STK3: variants seen among roughly 807,000 people sequenced by gnomAD.
STK3 encodes serine/threonine kinase 3.
STK3 carries 41 observed loss-of-function variants against 58.0 expected under a neutral mutation model. The ratio of observed to expected loss-of-function variants is 0.71; its 90% CI spans 0.55 to 0.92. STK3 has a LOEUF of 0.92. STK3 is among the 40% of genes least tolerant of loss of function. The pLI, the probability that STK3 is intolerant of heterozygous loss-of-function variation, is 0.00. For missense variants in STK3, 479 were observed against 602.7 expected (o/e 0.79, Z 2.15); for synonymous variants, 170 against 191.0 (o/e 0.89, Z 0.91).
chr8:98,628,229 C>T (rs979714591), intron 6 of STK3, among the ~76,000 whole-genome samples: 4 of 152,194 alleles, frequency 2.6e-5, no homozygotes, highest in African/African-American at 4.8e-5. Flanking sequence ...AAGCTATCCA[C>T]AATCCTTCGC....
intron 7 of STK3, among the ~76,000 whole-genome samples, chr8:98,588,333 G>C (rs371077198): frequency 1.3e-5 from 2 of 151,394 alleles, no homozygotes; most frequent in Non-Finnish European, 2.9e-5. Context: ...GTCTGTAAAG[G>C]ATTTTATTTC....
downstream of STK3, among the ~76,000 whole-genome samples, chr8:98,369,303 C>A (rs1315483963): frequency 6.6e-6 from 1 of 152,192 alleles, no homozygotes; most frequent in African/African-American, 2.4e-5. Flanking sequence ...ATTGCTGAAG[C>A]CTAAAACGCT....
chr8:98,382,717 A>C (rs1009858786), intron 1 of STK3, among the ~76,000 whole-genome samples: 1 of 152,114 alleles, frequency 6.6e-6, no homozygotes, highest in South Asian at 2.1e-4. Flanking sequence ...CTGACAGCTC[A>C]TCACATTCCT....
rs531562670 is a variant in STK3 at position 98,424,277 on chromosome 8, G to A, written n.483+9850C>T. On this transcript the variant is annotated intron_variant and non_coding_transcript_variant, in intron 3 of 3. Coordinates refer to the STK3 transcript ENST00000517832. ...GCTCCAAGTTCACTCTGCCATTCAAGGAAAGGTGAGCAGGGGGGCTTGTCC... is the reference window on the plus strand; with the variant it reads ...GCTCCAAGTTCACTCTGCCATTCAAAGAAAGGTGAGCAGGGGGGCTTGTCC... Among the ~76,000 whole-genome samples, 6 of 152,376 alleles carry A rather than the reference G, an allele frequency of 3.9e-5. No homozygotes were observed. In the East Asian group the frequency reaches 7.7e-4, roughly 20 times the overall value.
intron 10 of STK3, among the ~76,000 whole-genome samples, chr8:98,470,477 G>A (rs539531131): frequency 1.3e-5 from 2 of 152,194 alleles, no homozygotes; most frequent in African/African-American, 2.4e-5. Context: ...CATCTCACCC[G>A]TACTCAGTAC....
In STK3 at chr8:98,835,579, C is replaced by G. The variant is rs141807087; in HGVS notation, c.110+48068G>C. On this transcript the variant is annotated intron_variant, in intron 3 of 12. Coordinates refer to the STK3 transcript ENST00000523601. ...GCCAACAGTTTCCTTCCCACCACAC[C>G]CCACTCCTCCCTCAGGCAATTTTGC... is the stretch of plus-strand genomic sequence containing the variant. Among the ~76,000 whole-genome samples the G allele has an allele frequency of 6.6e-3, 1,000 of 152,258 alleles. 9 individuals carry two copies. The highest frequency in any genetic ancestry group is 0.023 in the African/African-American group (967 of 41,536).
chr8:98,851,715 C>T (rs1324602351), intron 3 of STK3, among the ~76,000 whole-genome samples: 1 of 152,212 alleles, frequency 6.6e-6, no homozygotes, highest in African/African-American at 2.4e-5. Flanking sequence ...AATCCCAACA[C>T]TGTGGAAGGT....
intron 4 of STK3, among the ~76,000 whole-genome samples, chr8:98,708,543 A>C (rs1164229218): frequency 2.6e-5 from 4 of 152,176 alleles, no homozygotes; most frequent in Non-Finnish European, 4.4e-5. Context: ...AAAAGGGGAG[A>C]GTAGAGAAGG....
At chr8:98,419,842 T>C (rs1818150323) in intron 3 of STK3, among the ~76,000 whole-genome samples, 1 of 152,188 alleles carries the variant, frequency 6.6e-6, no homozygotes, top group African/African-American at 2.4e-5. Flanking sequence ...CTTTCAGACC[T>C]GGCCTCGAAA....
intron 1 of STK3, among the ~76,000 whole-genome samples, chr8:98,817,426 C>G (rs1007720041): frequency 7.1e-6 from 1 of 141,008 alleles, no homozygotes; most frequent in African/African-American, 2.7e-5. Flanking sequence ...TGCATTCCAG[C>G]CTGGGCGACA....
chr8:98,348,684 T>C, the STK3 span, among the ~76,000 whole-genome samples: 15 of 152,210 alleles, frequency 9.9e-5, no homozygotes, highest in Non-Finnish European at 1.8e-4. Flanking sequence ...TTATATGTCA[T>C]TAGGGAATTT....
chr8:98,407,714 ATGTGTGTGTGTG>A (rs6150725), intron 3 of STK3, among the ~76,000 whole-genome samples: 7,784 of 137,172 alleles, frequency 0.057, 279 homozygotes, highest in Non-Finnish European at 0.081. Context: ...AGATGAGTGC[ATGTGTGTGTGTG>A]TGTGTGTGTG....
chr8:98,623,600 G>A lies in STK3; in HGVS notation c.685-27431C>T, dbSNP rs546442168. 1.4e-4 allele frequency among the ~76,000 whole-genome samples: 21 copies of A among 152,196 alleles called. No homozygotes were observed. The East Asian group carries it at 3.5e-3, about 25-fold the overall frequency. On this transcript the variant is annotated intron_variant, in intron 6 of 10. Coordinates refer to ENST00000419617, the MANE Select transcript of STK3 (RefSeq NM_006281.4). ...GGAGTTTGAGAACAGCCTGGGCAAC[G>A]TAGCGACAGCCCGTCTCTACAAAAT...
At position 98,516,043 on chromosome 8, in the gene STK3, A is replaced by G. The variant is rs192009080; in HGVS notation, c.1317+10699T>C. Among the ~76,000 whole-genome samples the G allele has an allele frequency of 1.1e-4, 17 of 152,218 alleles. No individual in the cohort carries two copies. The East Asian group carries it at 3.1e-3, about 28-fold the overall frequency. The stretch of plus-strand genomic sequence containing the variant: ...AAAAGGACAGGACACCCTCTGAGCC[A>G]TAAAATTATATATGTAGATAAACTT... On this transcript the variant is annotated intron_variant, in intron 10 of 10. Coordinates refer to ENST00000419617, the MANE Select transcript of STK3 (RefSeq NM_006281.4).
intron 8 of STK3, among the ~76,000 whole-genome samples, chr8:98,565,513 A>T (rs534154735): frequency 1.7e-3 from 264 of 152,266 alleles, no homozygotes; most frequent in African/African-American, 6.0e-3. Flanking sequence ...GAGTATTTTT[A>T]AAATATTTTA....
intron 1 of STK3, among the ~76,000 whole-genome samples, chr8:98,933,925 A>G (rs975457143): frequency 2.6e-5 from 4 of 152,224 alleles, no homozygotes; most frequent in Non-Finnish European, 5.9e-5. Flanking sequence ...TCAGGCCAGG[A>G]CAATTTTAAA....
At chr8:98,840,587 A>G (rs1379052580) in intron 3 of STK3, among the ~76,000 whole-genome samples, 1 of 34,404 alleles carries the variant, frequency 2.9e-5, no homozygotes, top group Non-Finnish European at 5.7e-5. Context: ...AAAAATGTAT[A>G]TATATATATA....
At chr8:98,612,265 C>T (rs1022295075) in intron 6 of STK3, among the ~76,000 whole-genome samples, 2 of 150,302 alleles carry the variant, frequency 1.3e-5, no homozygotes, top group South Asian at 2.1e-4. Flanking sequence ...AACAAGCATA[C>T]GAAGATCCAG....
intron 6 of STK3, among the ~76,000 whole-genome samples, chr8:98,676,326 T>TA (rs2130869635): frequency 6.6e-6 from 1 of 152,262 alleles, no homozygotes; most frequent in African/African-American, 2.4e-5. Context: ...TAATGCCACT[T>TA]AAAAACAGTT....
Sources: allele counts gnomAD v4.1 joint callset (sites outside exome capture counted in the v4.1 genomes callset), GRCh38; gene constraint gnomAD v4.1.1; transcripts MANE v1.5; gene names NCBI Gene and HGNC (gene_info 2026-07-23, HGNC 2026-07-21).